The following PRKX variants were observed in gnomAD, a reference collection of about 807,000 sequenced individuals.
PRKX encodes protein kinase cAMP-dependent X-linked catalytic subunit, also known as cAMP-dependent protein kinase catalytic subunit PRKX.
PRKX carries 12 observed loss-of-function variants against 22.0 expected under a neutral mutation model. That is an observed-to-expected ratio of 0.54 (90% CI 0.35 to 0.88). The LOEUF (loss-of-function observed/expected upper bound fraction) is 0.88, where lower values mean the gene tolerates loss of function less well. PRKX is among the 40% of genes least tolerant of loss of function. PRKX has a pLI of 0.01. For missense variants in PRKX, 217 were observed against 308.0 expected, an observed-to-expected ratio of 0.70 and a Z score of 2.21; for synonymous variants, 134 against 137.7, an observed-to-expected ratio of 0.97 and a Z score of 0.19.
intron 4 of PRKX, among the ~76,000 whole-genome samples, chrX:3,637,814 T>C (rs1228420737): frequency 1.9e-5 from 2 of 107,563 alleles, no homozygotes; most frequent in Non-Finnish European, 3.8e-5. Flanking sequence ...TTGCCCAGGC[T>C]GGAGTGCAGT....
chrX:3,641,959 G>A lies in PRKX; in HGVS notation c.612C>T (p.Leu204=), dbSNP rs755455514. The A allele has an allele frequency of 1.2e-6, 1 of 846,376 alleles. No homozygotes were observed. The highest frequency in any genetic ancestry group is 2.3e-5 in the African/African-American group (1 of 43,481). The allele number at this position is 846,376 out of a possible 1,213,427, so 69.8% of individuals were successfully genotyped here. The change falls in exon 4 of 9, where the codon CTC becomes CTT. Residue 204 remains leucine (L), a synonymous_variant. Transcript: ENST00000262848. ...AKKLVDRTWT[L]CGTPEYLAPE... ...GGGCTAGGTACTCGGGTGTTCCACA[G>A]AGGGTCCAAGTCCTATATGGGCGAC...
intron 1 of PRKX, among the ~76,000 whole-genome samples, chrX:3,700,568 T>G (rs1468682461): frequency 1.8e-5 from 2 of 110,447 alleles, no homozygotes; most frequent in African/African-American, 6.7e-5. Flanking sequence ...TTTTTCCTTC[T>G]TCTTTCTCTT....
chrX:3,713,371 G>C lies in PRKX; in HGVS notation c.-118C>G. ...CGGCATCAACAGAGGCTCCCCATGCGCGCTCTCGCCTCCTGGTGCGCGGTC... is the reference window on the plus strand; with the variant it reads ...CGGCATCAACAGAGGCTCCCCATGCCCGCTCTCGCCTCCTGGTGCGCGGTC... On this transcript the variant is annotated 5_prime_UTR_variant, in exon 1 of 9. Coordinates refer to ENST00000262848, the MANE Select transcript of PRKX (RefSeq NM_005044.5). 1 of 625,774 alleles carries C rather than the reference G, an allele frequency of 1.6e-6. No individual in the cohort carries two copies. The highest frequency in any genetic ancestry group is 2.1e-6 in the Non-Finnish European group (1 of 472,277). 51.6% of individuals were successfully genotyped at this position (625,774 alleles called of 1,213,427 possible).
At chrX:3,699,954 G>A (rs1927042497) in intron 1 of PRKX, among the ~76,000 whole-genome samples, 1 of 111,464 alleles carries the variant, frequency 9.0e-6, no homozygotes, top group African/African-American at 3.3e-5. Context: ...TGGGTGAAGA[G>A]GAGACTGGGA....
At chrX:3,639,088 T>C (rs1422267281) in intron 4 of PRKX, among the ~76,000 whole-genome samples, 2 of 13,110 alleles carry the variant, frequency 1.5e-4, no homozygotes, top group South Asian at 5.9e-3. Flanking sequence ...ACCATAGAGA[T>C]AGACAGGGAT....
rs12013200 is a variant in PRKX, at chrX:3,694,257, G to A, written c.166+18831C>T. On this transcript the variant is annotated intron_variant, in intron 1 of 8. Transcript: ENST00000262848. ...TAAAAAATAAGCCAGGCGTGGTGTCGGGTGCCTATAATCCCAGCTACTGAG... is the reference window on the plus strand; with the variant it reads ...TAAAAAATAAGCCAGGCGTGGTGTCAGGTGCCTATAATCCCAGCTACTGAG... Among the ~76,000 whole-genome samples, 645 of 108,894 alleles carry A rather than the reference G, an allele frequency of 5.9e-3. 2 individuals are homozygous for A. The highest frequency in any genetic ancestry group is 0.02 in the African/African-American group (598 of 29,895). 94.6% of individuals were successfully genotyped at this position (108,894 alleles called of 115,157 possible). A position where few individuals can be genotyped will look rare whatever the true frequency, so the allele number is the denominator to read the frequency against.
intron 2 of PRKX, among the ~76,000 whole-genome samples, chrX:3,670,543 T>C (rs930776481): frequency 2.7e-5 from 3 of 111,697 alleles, no homozygotes; most frequent in Non-Finnish European, 5.6e-5. Context: ...CAAGTCTACA[T>C]TGTTTTTCGG....
rs189061746 is a variant in PRKX at position 3,631,454 on chromosome X, C to T, written c.720-4940G>A. Among the ~76,000 whole-genome samples, 437 of 111,345 alleles carry T rather than the reference C, an allele frequency of 3.9e-3. 3 individuals carry two copies. Among genetic ancestry groups the T allele is most frequent in the African/African-American group, 0.013 (414 of 30,670 alleles). On this transcript the variant is annotated intron_variant, in intron 4 of 8. Coordinates refer to ENST00000262848, the MANE Select transcript of PRKX (RefSeq NM_005044.5). ...ACAAGCCCAGGGATGCCTGGAGCCC[C>T]CAGGAGCTGGGAGAGGCAGGGAGTA...
At chrX:3,671,214 T>A (rs1460135808) in intron 2 of PRKX, among the ~76,000 whole-genome samples, 2 of 110,669 alleles carry the variant, frequency 1.8e-5, no homozygotes, top group Non-Finnish European at 3.8e-5. Context: ...TTTTGTATTT[T>A]TAGTAGAGAC....
chrX:3,683,791 A>G (rs1007817673), intron 1 of PRKX, among the ~76,000 whole-genome samples: 8 of 112,113 alleles, frequency 7.1e-5, no homozygotes, highest in Non-Finnish European at 1.5e-4. Flanking sequence ...GTGAGCTAAG[A>G]TCGCATCACT....
intron 6 of PRKX, among the ~76,000 whole-genome samples, chrX:3,621,010 T>C (rs762625856): frequency 1.8e-5 from 2 of 111,358 alleles, no homozygotes; most frequent in Admixed American, 1.9e-4. Context: ...TTAACCTTGC[T>C]TGAGGGGAGG....
chrX:3,693,459 G>A (rs915703669), intron 1 of PRKX, among the ~76,000 whole-genome samples: 2 of 111,086 alleles, frequency 1.8e-5, no homozygotes, highest in African/African-American at 6.5e-5. Context: ...TGCCGACTTA[G>A]GCAAGGTGTG....
At chrX:3,672,847 A>G (rs139628549) in intron 2 of PRKX, among the ~76,000 whole-genome samples, 384 of 111,237 alleles carry the variant, frequency 3.5e-3, no homozygotes, top group African/African-American at 0.012. Flanking sequence ...GCAAGACTTC[A>G]TCCTACAAAA....
At chrX:3,634,241 G>A (rs1474180122) in intron 4 of PRKX, among the ~76,000 whole-genome samples, 1 of 107,817 alleles carries the variant, frequency 9.3e-6, no homozygotes, top group East Asian at 2.9e-4. Context: ...CAGAGCAGGG[G>A]TCCCTCTAAA....
At chrX:3,619,795 C>T (rs757496205) in intron 6 of PRKX, among the ~76,000 whole-genome samples, 1 of 111,112 alleles carries the variant, frequency 9.0e-6, no homozygotes, top group Non-Finnish European at 1.9e-5. Context: ...ACTGGAGACT[C>T]GTAAACCACA....
At chrX:3,672,742 G>T (rs892929880) in intron 2 of PRKX, among the ~76,000 whole-genome samples, 2 of 111,297 alleles carry the variant, frequency 1.8e-5, no homozygotes, top group African/African-American at 6.5e-5. Flanking sequence ...CTCAGTCCAG[G>T]TGCAGGGGCT....
intron 1 of PRKX, among the ~76,000 whole-genome samples, chrX:3,707,899 A>G (rs1928715403): frequency 9.0e-6 from 1 of 111,252 alleles, no homozygotes; most frequent in Admixed American, 9.6e-5. Flanking sequence ...TACAAACAAC[A>G]CTCCTAATTG....
intron 3 of PRKX, among the ~76,000 whole-genome samples, chrX:3,653,798 A>ATT (rs1555895063): frequency 1.6e-5 from 1 of 61,592 alleles, no homozygotes; most frequent in East Asian, 7.3e-4. Context: ...TGATATATAT[A>ATT]ATATATATTA....
intron 1 of PRKX, among the ~76,000 whole-genome samples, chrX:3,683,010 T>G (rs1392547655): frequency 3.6e-5 from 4 of 109,707 alleles, no homozygotes; most frequent in Non-Finnish European, 5.7e-5. Context: ...GAGACCGCAG[T>G]GATGCGGCCA....
Sources: gnomAD v4.1 joint callset for allele counts (sites outside exome capture counted in the v4.1 genomes callset) on GRCh38, gnomAD v4.1.1 for gene constraint, MANE v1.5 for transcripts, NCBI Gene and HGNC (gene_info 2026-07-23, HGNC 2026-07-21) for gene names.